NOD2: variants seen among roughly 807,000 people sequenced by gnomAD.
NOD2 encodes nucleotide binding oligomerization domain containing 2, also known as nucleotide-binding oligomerization domain-containing protein 2.
Under a neutral mutation model 90.9 loss-of-function variants are expected in NOD2, and 86 were observed. The ratio of observed to expected loss-of-function variants is 0.95; its 90% CI spans 0.79 to 1.13. The LOEUF (loss-of-function observed/expected upper bound fraction) is 1.13. Ranked by LOEUF, NOD2 falls within the 50% of genes most tolerant of loss-of-function variation. The pLI is 0.00. For missense variants in NOD2, 1,238 were observed against 1,283.8 expected, an observed-to-expected ratio of 0.96 and a Z score of 0.55; for synonymous variants, 581 against 554.6, an observed-to-expected ratio of 1.05 and a Z score of -0.67.
chr16:50,704,064 G>T (rs1047631161), intron 2 of NOD2, among the ~76,000 whole-genome samples: 1 of 152,202 alleles, frequency 6.6e-6, no homozygotes, highest in Non-Finnish European at 1.5e-5. Context: ...GGCAGCGGGA[G>T]TTGAAAAGAA....
At chr16:50,709,820 A>G in intron 3 of NOD2, 1 of 399,256 alleles carries the variant, frequency 2.5e-6, no homozygotes, top group Non-Finnish European at 5.0e-6. Context: ...ATATCCATGA[A>G]TAATAATGAT....
At position 50,697,231 on chromosome 16, in the gene NOD2, C is replaced by T. The variant is rs1231606314; in HGVS notation, c.-8-2257C>T. 6 of 1,553,386 alleles carry T rather than the reference C, an allele frequency of 3.9e-6. No homozygotes were observed. In the South Asian group the frequency reaches 7.1e-5, roughly 18 times the overall value. ...CAGATGCCATGCCTGCTCCCCCAGC[C>T]TAATGGGCTTTGATGGGGGAAGAGG... On this transcript the variant is annotated intron_variant, in intron 1 of 11. Coordinates refer to ENST00000647318, the MANE Select transcript of NOD2 (RefSeq NM_001370466.1).
chr16:50,720,117 C>A, intron 7 of NOD2, 109 bp downstream of exon 7: 1 of 959,568 alleles, frequency 1.0e-6, no homozygotes. Context: ...CAGCCCAGCT[C>A]CAGTGGGGAG....
chr16:50,708,655 G>A (rs1267431182), intron 3 of NOD2, among the ~76,000 whole-genome samples: 1 of 152,222 alleles, frequency 6.6e-6, no homozygotes, highest in Non-Finnish European at 1.5e-5. Flanking sequence ...TGTAAAGAGA[G>A]AGTGCAAGCC....
rs149796343 is a variant in NOD2 at position 50,706,056 on chromosome 16, G to A, written c.460-1799G>A. Among the ~76,000 whole-genome samples the A allele has an allele frequency of 4.0e-3, 607 of 152,332 alleles. 8 individuals are homozygous for A. Among genetic ancestry groups the A allele is most frequent in the African/African-American group, 0.014 (566 of 41,582 alleles). On this transcript the variant is annotated intron_variant, in intron 2 of 11. Transcript: ENST00000647318. ...GGCAATTGTAAATAGAGTAGTCAGAGTTCTCACTTAGAAGGTGAAATTCAA... is the reference window on the plus strand; with the variant it reads ...GGCAATTGTAAATAGAGTAGTCAGAATTCTCACTTAGAAGGTGAAATTCAA...
chr16:50,706,128 G>A (rs1964177631), intron 2 of NOD2, among the ~76,000 whole-genome samples: 2 of 152,178 alleles, frequency 1.3e-5, no homozygotes, highest in African/African-American at 2.4e-5. Context: ...GGATGGCTAG[G>A]GGAAGGCTTC....
chr16:50,694,852 A>C (rs1339654442), intron 1 of NOD2, among the ~76,000 whole-genome samples: 1 of 152,178 alleles, frequency 6.6e-6, no homozygotes, highest in Admixed American at 6.5e-5. Context: ...GCAATGAAAT[A>C]AGTAAATACA....
rs36034720 is a variant in NOD2, at chr16:50,699,406, G to C, written c.-8-82G>C. The C allele has an allele frequency of 2.8e-4, 324 of 1,169,232 alleles. No individual in the cohort carries two copies. In the African/African-American group the frequency reaches 4.0e-3, roughly 15 times the overall value. 72.4% of individuals were successfully genotyped at this position (1,169,232 alleles called of 1,614,324 possible). The stretch of plus-strand genomic sequence containing the variant: ...CCATGGCCAACTCGGGTTCTGCTGG[G>C]GCTGACTTGCCCTGGCCTTCCCTGA... On this transcript the variant is annotated intron_variant, in intron 1 of 11. Transcript: ENST00000647318.
At chr16:50,705,112 C>T (rs1424701957) in intron 2 of NOD2, among the ~76,000 whole-genome samples, 1 of 152,056 alleles carries the variant, frequency 6.6e-6, no homozygotes, top group Non-Finnish European at 1.5e-5. Context: ...TGTCTTTTTG[C>T]TCTACTTTTC....
At chr16:50,725,624 G>A (rs1303340155) in intron 10 of NOD2, 52 bp downstream of exon 10, 1 of 1,416,018 alleles carries the variant, frequency 7.1e-7, no homozygotes, top group East Asian at 2.3e-5. Context: ...CCTTTGGAAG[G>A]GGCATTTCTG....
At position 50,732,222 on chromosome 16, in the gene NOD2, G is replaced by A. The variant is rs1387824829; in HGVS notation, c.*403G>A. On this transcript the variant is annotated 3_prime_UTR_variant, in exon 12 of 12. Coordinates refer to ENST00000647318, the MANE Select transcript of NOD2 (RefSeq NM_001370466.1). ...CTCTCACAAAAGACCCCTTACCACT[G>A]CTCTGATGAAGAGGAGTACACAGAA... 2 of 343,232 alleles carry A rather than the reference G, an allele frequency of 5.8e-6. No individual in the cohort carries two copies. Among genetic ancestry groups the A allele is most frequent in the Non-Finnish European group, 1.1e-5 (2 of 176,098 alleles). The allele number at this position is 343,232 out of a possible 1,614,324, so 21.3% of individuals were successfully genotyped here. A position where few individuals can be genotyped will look rare whatever the true frequency, so the allele number is the denominator to read the frequency against.
chr16:50,727,435 T>C (rs1965305934), intron 10 of NOD2: 1 of 187,492 alleles, frequency 5.3e-6, no homozygotes, highest in East Asian at 1.5e-4. Context: ...TACATCTTTA[T>C]TAATCAAAAT....
intron 4 of NOD2, among the ~76,000 whole-genome samples, chr16:50,713,983 C>A (rs2150818483): frequency 6.6e-6 from 1 of 152,308 alleles, no homozygotes; most frequent in East Asian, 1.9e-4. Flanking sequence ...CAGCACCAAA[C>A]TCTATTTCCC....
intron 1 of NOD2, chr16:50,697,497 G>T: frequency 1.4e-6 from 1 of 692,454 alleles, no homozygotes; most frequent in Non-Finnish European, 2.6e-6. Flanking sequence ...TCAATGGTGG[G>T]GGCCGCTGTC....
intron 7 of NOD2, among the ~76,000 whole-genome samples, chr16:50,722,205 T>C (rs1192209820): frequency 6.6e-6 from 1 of 152,162 alleles, no homozygotes; most frequent in Non-Finnish European, 1.5e-5. Context: ...AAGAGCTAGC[T>C]TGCAGAAGAA....
At chr16:50,703,815 C>A (rs75616141) in intron 2 of NOD2, among the ~76,000 whole-genome samples, 1 of 152,170 alleles carries the variant, frequency 6.6e-6, no homozygotes, top group East Asian at 1.9e-4. Context: ...ATAAGGACCT[C>A]TTCTGGGAAG....
intron 9 of NOD2, among the ~76,000 whole-genome samples, chr16:50,724,700 T>G (rs1256567339): frequency 2.0e-5 from 3 of 152,246 alleles, no homozygotes; most frequent in African/African-American, 7.2e-5. Flanking sequence ...GGTTGCAGTT[T>G]GCTACATAGG....
At chr16:50,696,416 G>A (rs931104878) in intron 1 of NOD2, 15 of 152,276 alleles carry the variant, frequency 9.9e-5, no homozygotes, top group African/African-American at 3.6e-4. Context: ...AGTAACTGAA[G>A]TAGAGATCAA....
At chr16:50,723,139 GAAAAAA>G (rs59171756) in intron 8 of NOD2, among the ~76,000 whole-genome samples, 156 bp from the exon 9 acceptor site, 1,869 of 107,846 alleles carry the variant, frequency 0.017, 48 homozygotes, top group African/African-American at 0.061. Flanking sequence ...AAAAAGGGTA[GAAAAAA>G]AAAAAAAAAG....
Sources: allele counts gnomAD v4.1 joint callset (sites outside exome capture counted in the v4.1 genomes callset), GRCh38; gene constraint gnomAD v4.1.1; transcripts MANE v1.5; gene names NCBI Gene and HGNC (gene_info 2026-07-23, HGNC 2026-07-21).